Variants in IL34 observed in about 807,000 individuals in gnomAD.
The protein encoded by IL34 is interleukin 34.
In IL34, 17 loss-of-function variants were observed where a neutral mutation model predicts 25.3. The observed-to-expected ratio is 0.67, with a 90% CI of 0.46 to 1.01. IL34 has a LOEUF of 1.01. Among genes scored for constraint, IL34 ranks in the 50% least tolerant of loss-of-function variants. The pLI is 0.00. For missense variants in IL34, 368 were observed against 312.9 expected (o/e 1.18, Z -1.33); for synonymous variants, 174 against 140.9 (o/e 1.23, Z -1.66).
In IL34 at chr16:70,617,063, A is replaced by AGTG. The variant is rs1362615416; in HGVS notation, c.-400-29483_-400-29481dup. 2.0e-5 allele frequency among the ~76,000 whole-genome samples: 3 copies of AGTG among 152,148 alleles called. No individual in the cohort carries two copies. In the East Asian group the frequency reaches 5.8e-4, roughly 29 times the overall value. ...GATTAGGGGTGGCGTGGGAACCTAG[A>AGTG]GTGGGAGAGATTAAGCTGAAGGAAG... On this transcript the variant is annotated intron_variant, in intron 1 of 6. Coordinates refer to the IL34 transcript ENST00000429149.
chr16:70,620,494 C>G (rs1385193891), intron 1 of IL34, among the ~76,000 whole-genome samples: 5 of 151,912 alleles, frequency 3.3e-5, no homozygotes, highest in Non-Finnish European at 7.4e-5. Context: ...GAATTGGGAC[C>G]TAGCTCAGCC....
At chr16:70,582,993 T>G (rs1277523632) in intron 1 of IL34, among the ~76,000 whole-genome samples, 1 of 152,130 alleles carries the variant, frequency 6.6e-6, no homozygotes, top group Non-Finnish European at 1.5e-5. Flanking sequence ...CAGGGCTGGA[T>G]GTAGGGAGCG....
chr16:70,592,029 G>T (rs926418927), intron 1 of IL34, among the ~76,000 whole-genome samples: 3 of 152,000 alleles, frequency 2.0e-5, no homozygotes, highest in Non-Finnish European at 2.9e-5. Flanking sequence ...CTCCTCCAGG[G>T]TTCCACAGTG....
chr16:70,620,985 C>A (rs1002654912), intron 1 of IL34, among the ~76,000 whole-genome samples: 5 of 151,934 alleles, frequency 3.3e-5, no homozygotes, highest in Non-Finnish European at 4.4e-5. Context: ...AGGGTTCTTG[C>A]CCTCCAGAAA....
chr16:70,592,902 C>T (rs546659310), intron 1 of IL34, among the ~76,000 whole-genome samples: 2 of 152,204 alleles, frequency 1.3e-5, no homozygotes, highest in Non-Finnish European at 2.9e-5. Context: ...ATCTGCCCGC[C>T]TCGGCCTCCC....
intron 1 of IL34, among the ~76,000 whole-genome samples, chr16:70,632,069 T>G (rs1326013048): frequency 7.3e-5 from 11 of 150,680 alleles, no homozygotes; most frequent in African/African-American, 2.7e-4. Flanking sequence ...GCCACTGCAC[T>G]TCAGCCTGGG....
At chr16:70,632,308 A>G (rs1355889079) in intron 1 of IL34, among the ~76,000 whole-genome samples, 1 of 152,158 alleles carries the variant, frequency 6.6e-6, no homozygotes, top group Non-Finnish European at 1.5e-5. Context: ...CCTAATCCTC[A>G]TGCAGATATC....
chr16:70,644,057 C>A (rs966560889), upstream of IL34, among the ~76,000 whole-genome samples: 6 of 152,280 alleles, frequency 3.9e-5, no homozygotes, highest in African/African-American at 1.4e-4. Flanking sequence ...TCACTGCAAC[C>A]TCCGCCTCCT....
In IL34 at chr16:70,646,788, C is replaced by G. The variant is rs947206519; in HGVS notation, c.-160C>G. ...AAGGGCAGCTGCTGCCCTTGGGGCA[C>G]CTGCTCACTCCCGCAGCCCAGCCAC... is the stretch of plus-strand genomic sequence containing the variant. On this transcript the variant is annotated 5_prime_UTR_variant, in exon 1 of 6. Coordinates refer to ENST00000288098, the MANE Select transcript of IL34 (RefSeq NM_001393494.1). 11 of 622,402 alleles carry G rather than the reference C, an allele frequency of 1.8e-5. No homozygotes were observed. In the East Asian group the frequency reaches 3.4e-4, roughly 20 times the overall value. 38.6% of individuals were successfully genotyped at this position (622,402 alleles called of 1,614,324 possible).
At chr16:70,633,889 C>G (rs1047571275) in intron 1 of IL34, among the ~76,000 whole-genome samples, 2 of 151,732 alleles carry the variant, frequency 1.3e-5, no homozygotes, top group Non-Finnish European at 2.9e-5. Flanking sequence ...CTCGCATTGT[C>G]GCCCAGGCTG....
Position 70,660,111 on chromosome 16 carries a change from G to C in IL34, c.653G>C (p.Trp218Ser), listed in dbSNP as rs750167732. The change falls in exon 6 of 6, where the codon TGG becomes TCG. Residue 218 changes from tryptophan to serine, a missense_variant. Transcript: ENST00000288098. ...AATQLYPPPPWSPSSPPHSTG... is the reference protein window; with the variant it reads ...AATQLYPPPPSSPSSPPHSTG... ...ACCCAGCTGTACCCTCCGCCCCCGT[G>C]GTCCCCCAGCTCCCCGCCTCACTCC... 1 of 1,613,290 alleles carries C rather than the reference G, an allele frequency of 6.2e-7. No individual in the cohort carries two copies. The highest frequency in any genetic ancestry group is 8.5e-7 in the Non-Finnish European group (1 of 1,179,776).
intron 1 of IL34, among the ~76,000 whole-genome samples, chr16:70,648,552 T>TAA (rs56164163): frequency 0.31 from 22,323 of 72,930 alleles, 3,605 homozygotes; most frequent in South Asian, 0.41. Flanking sequence ...ACCCTGTCTT[T>TAA]AAAAAAAAAA....
rs974640899 is a variant in IL34 at position 70,656,012 on chromosome 16, T to G, written c.163-590T>G. On this transcript the variant is annotated intron_variant, in intron 2 of 5. Transcript: ENST00000288098. ...TTGTGCAACCATCACCATCATAGGT[T>G]TTAGAACATTCTCACCCACAAAATA... 2.6e-5 allele frequency among the ~76,000 whole-genome samples: 4 copies of G among 152,340 alleles called. No homozygotes were observed. The South Asian group carries it at 6.2e-4, about 24-fold the overall frequency.
At chr16:70,627,017 A>G (rs1033372652) in intron 1 of IL34, among the ~76,000 whole-genome samples, 4 of 151,642 alleles carry the variant, frequency 2.6e-5, no homozygotes, top group Admixed American at 2.0e-4. Context: ...TTATAGAGAC[A>G]GGGTCTCCCT....
chr16:70,619,129 A>C (rs2051223407), intron 1 of IL34, among the ~76,000 whole-genome samples: 1 of 152,056 alleles, frequency 6.6e-6, no homozygotes, highest in South Asian at 2.1e-4. Context: ...AATTGTAAGG[A>C]GTTTATAGGC....
At chr16:70,652,293 A>C (rs1252047829) in intron 1 of IL34, among the ~76,000 whole-genome samples, 1 of 151,776 alleles carries the variant, frequency 6.6e-6, no homozygotes, top group South Asian at 2.1e-4. Context: ...TCCTCTCTAC[A>C]AAAAATTAAA....
At chr16:70,605,468 C>A (rs1259882893) in intron 1 of IL34, among the ~76,000 whole-genome samples, 2 of 152,264 alleles carry the variant, frequency 1.3e-5, no homozygotes, top group Admixed American at 6.5e-5. Flanking sequence ...AGTTCCAGAA[C>A]TTTTCATCAT....
chr16:70,640,830 G>A (rs539387601), intron 1 of IL34, among the ~76,000 whole-genome samples: 35 of 151,896 alleles, frequency 2.3e-4, no homozygotes, highest in East Asian at 7.7e-4. Context: ...ATTCCCCTGC[G>A]CCCCTTCTCA....
chr16:70,634,590 G>A (rs1165323116), intron 1 of IL34, among the ~76,000 whole-genome samples: 1 of 151,466 alleles, frequency 6.6e-6, no homozygotes, highest in Non-Finnish European at 1.5e-5. Context: ...TGAGGCAGGA[G>A]AATTCCTTGA....
Sources: gnomAD v4.1 joint callset for allele counts (sites outside exome capture counted in the v4.1 genomes callset) on GRCh38, gnomAD v4.1.1 for gene constraint, MANE v1.5 for transcripts, NCBI Gene and HGNC (gene_info 2026-07-23, HGNC 2026-07-21) for gene names.